The following PRMT3 variants were observed in gnomAD, a reference collection of about 807,000 sequenced individuals.
PRMT3 encodes the protein protein arginine methyltransferase 3, also known as protein arginine N-methyltransferase 3.
In PRMT3, 62 loss-of-function variants were observed where a neutral mutation model predicts 71.9. The ratio of observed to expected loss-of-function variants is 0.86; its 90% confidence interval spans 0.70 to 1.07. The LOEUF is 1.07. Among genes scored for constraint, PRMT3 ranks in the 50% least tolerant of loss-of-function variants. The pLI is 0.00. For missense variants in PRMT3, 663 were observed against 643.0 expected (o/e 1.03, Z -0.34); for synonymous variants, 213 against 220.4 (o/e 0.97, Z 0.30).
chr11:20,390,552 A>T (rs1032421772), intron 3 of PRMT3, among the ~76,000 whole-genome samples: 1 of 152,254 alleles, frequency 6.6e-6, no homozygotes, highest in Non-Finnish European at 1.5e-5. Flanking sequence ...AGACTGGAAA[A>T]AGAGTGATGA....
intron 10 of PRMT3, among the ~76,000 whole-genome samples, chr11:20,440,032 C>G (rs760492376): frequency 6.6e-6 from 1 of 152,124 alleles, no homozygotes; most frequent in Non-Finnish European, 1.5e-5. Context: ...ACTGAATGTC[C>G]TTACTGGGGA....
intron 9 of PRMT3, among the ~76,000 whole-genome samples, chr11:20,411,333 A>C (rs1341947421): frequency 2.0e-5 from 3 of 152,070 alleles, no homozygotes; most frequent in Non-Finnish European, 2.9e-5. Context: ...TGTCAGCCAG[A>C]TTTTTGAATC....
At chr11:20,439,639 G>A (rs981817020) in intron 10 of PRMT3, among the ~76,000 whole-genome samples, 2 of 152,282 alleles carry the variant, frequency 1.3e-5, no homozygotes, top group South Asian at 4.1e-4. Context: ...TAGAACTGAT[G>A]AAATACTGTA....
rs905365330 is a variant in PRMT3 at position 20,476,682 on chromosome 11, G to A, written c.1347+12136G>A. ...ATTTCTTTTTTACATTCTTTCTGCT[G>A]TTCATTTTTAGCCAATAAATATTTT... On this transcript the variant is annotated intron_variant, in intron 13 of 15. Coordinates refer to ENST00000331079, the MANE Select transcript of PRMT3 (RefSeq NM_005788.4). 4.6e-5 allele frequency among the ~76,000 whole-genome samples: 7 copies of A among 151,914 alleles called. No homozygotes were observed. The East Asian group carries it at 1.4e-3, about 29-fold the overall frequency.
intron 10 of PRMT3, among the ~76,000 whole-genome samples, chr11:20,441,263 TTTTATTTATTTATTTATTTATTTATTTA>T (rs3044625): frequency 2.2e-5 from 3 of 138,126 alleles, no homozygotes; most frequent in East Asian, 2.1e-4. Context: ...GTTACTAACT[TTTTATTTATTTATTTATTTATTTATTTA>T]TTTATTTATT....
rs368648367 is a variant in PRMT3 at position 20,468,360 on chromosome 11, TTTTGTTTG to T, written c.1347+3830_1347+3837del. 9.7e-3 allele frequency among the ~76,000 whole-genome samples: 1,471 copies of T among 152,154 alleles called. 22 individuals carry two copies. The highest frequency in any genetic ancestry group is 0.051 in the Middle Eastern group (15 of 294). ...TGATATATGTATAACGTGGTTTTTG[TTTTGTTTG>T]TTTGTTTGTTTGTTTTGAGACAGGG... On this transcript the variant is annotated intron_variant, in intron 13 of 15. Coordinates refer to ENST00000331079, the MANE Select transcript of PRMT3 (RefSeq NM_005788.4).
intron 7 of PRMT3, among the ~76,000 whole-genome samples, chr11:20,402,215 G>T (rs1848964288): frequency 6.6e-6 from 1 of 151,960 alleles, no homozygotes; most frequent in South Asian, 2.1e-4. Flanking sequence ...CGCCTCCCGG[G>T]TTCAAGAGAT....
intron 13 of PRMT3, among the ~76,000 whole-genome samples, chr11:20,475,299 G>T (rs558621561): frequency 6.6e-6 from 1 of 152,124 alleles, no homozygotes; most frequent in Non-Finnish European, 1.5e-5. Context: ...CTACAGTGCC[G>T]CTCCCAGTTG....
chr11:20,391,264 A>G (rs1478773495), intron 3 of PRMT3, among the ~76,000 whole-genome samples: 1 of 151,490 alleles, frequency 6.6e-6, no homozygotes, highest in Admixed American at 6.6e-5. Flanking sequence ...TTTTTTTTTG[A>G]GACGGAGTCT....
At chr11:20,503,364 TAAAC>T (rs987780752) in intron 15 of PRMT3, among the ~76,000 whole-genome samples, 2 of 152,174 alleles carry the variant, frequency 1.3e-5, no homozygotes, top group African/African-American at 4.8e-5. Context: ...ACCACATTTT[TAAAC>T]AAATAATTTA....
rs114296259 is a variant in PRMT3, at chr11:20,482,120, G to A, written c.1348-11799G>A. On this transcript the variant is annotated intron_variant, in intron 13 of 15. Transcript: ENST00000331079. ...AGTTGAGTAAAATAACCTGTCCATA[G>A]AGTTAATAGAGATTCGTGTGCTTGA... 7.9e-3 allele frequency among the ~76,000 whole-genome samples: 1,196 copies of A among 151,536 alleles called. 22 individuals carry two copies. The highest frequency in any genetic ancestry group is 0.028 in the African/African-American group (1,161 of 40,972).
Position 20,426,821 on chromosome 11 carries a change from C to G in PRMT3, c.949C>G (p.His317Asp). 6.5e-7 allele frequency: 1 copy of G among 1,527,992 alleles called. No homozygotes were observed. The highest frequency in any genetic ancestry group is 1.3e-5 in the South Asian group (1 of 74,806). 94.7% of individuals were successfully genotyped at this position (1,527,992 alleles called of 1,614,324 possible). A position where few individuals can be genotyped will look rare whatever the true frequency, so the allele number is the denominator to read the frequency against. The change falls in exon 10 of 16, where the codon CAT (histidine) becomes GAT (aspartate). Residue 317 changes from histidine (H) to aspartate (D), a missense_variant. Coordinates refer to ENST00000331079, the MANE Select transcript of PRMT3 (RefSeq NM_005788.4). ...TLIKGKIEEVHLPVEKVDVII... is the reference protein window; with the variant it reads ...TLIKGKIEEVDLPVEKVDVII... The stretch of plus-strand genomic sequence containing the variant: ...AATTAAAGGAAAGATTGAAGAAGTT[C>G]ATCTTCCTGTAGAAAAAGTAGATGT...
chr11:20,401,470 A>G (rs530634900), intron 7 of PRMT3, among the ~76,000 whole-genome samples: 4 of 152,284 alleles, frequency 2.6e-5, no homozygotes, highest in East Asian at 3.9e-4. Flanking sequence ...CATGGAATTA[A>G]TTATGGACAA....
At chr11:20,471,594 ATGCTGTTTTGGT>A (rs2133416809) in intron 13 of PRMT3, among the ~76,000 whole-genome samples, 2 of 152,244 alleles carry the variant, frequency 1.3e-5, no homozygotes, top group African/African-American at 4.8e-5. Context: ...TACCAGTACC[ATGCTGTTTTGGT>A]TACTGTAGCC....
chr11:20,395,774 CT>C, intron 5 of PRMT3, 28 bp from the exon 6 acceptor site: 1 of 1,595,132 alleles, frequency 6.3e-7, no homozygotes, highest in South Asian at 1.1e-5. Context: ...ATAAGATGGC[CT>C]GATAATAATG....
chr11:20,390,099 T>C (rs1330990354), intron 3 of PRMT3, among the ~76,000 whole-genome samples: 5 of 150,864 alleles, frequency 3.3e-5, no homozygotes, highest in African/African-American at 4.9e-5. Flanking sequence ...GGCAGTGAGC[T>C]GAGATGGTAT....
chr11:20,437,311 T>G (rs1390789062), intron 10 of PRMT3, among the ~76,000 whole-genome samples: 2 of 152,224 alleles, frequency 1.3e-5, no homozygotes. Context: ...TTTGCTTTTC[T>G]AGTTGTTTGA....
In PRMT3 at chr11:20,387,864, C is replaced by T. The variant is rs755101931; in HGVS notation, c.28+90C>T. ...TGGAAGACCCTCCGGGACACGGGCC[C>T]GGGCAGGGTGGGGGGCTCGCAGGGA... On this transcript the variant is annotated intron_variant, in intron 1 of 15. Coordinates refer to ENST00000331079, the MANE Select transcript of PRMT3 (RefSeq NM_005788.4). The surrounding 1 kb of genome is among the most constrained non-coding windows in gnomAD (Gnocchi z 4.3). 3 of 1,535,024 alleles carry T rather than the reference C, an allele frequency of 2.0e-6. No individual in the cohort carries two copies. Among genetic ancestry groups the T allele is most frequent in the East Asian group, 2.4e-5 (1 of 40,850 alleles).
chr11:20,437,158 T>C (rs993969626), intron 10 of PRMT3, among the ~76,000 whole-genome samples: 1 of 152,164 alleles, frequency 6.6e-6, no homozygotes, highest in African/African-American at 2.4e-5. Context: ...TTTTCTCTTT[T>C]TTTTTCTTGG....
Sources: allele counts gnomAD v4.1 joint callset (sites outside exome capture counted in the v4.1 genomes callset), GRCh38; gene constraint gnomAD v4.1.1; non-coding constraint Gnocchi (gnomAD v3.1); transcripts MANE v1.5; gene names NCBI Gene and HGNC (gene_info 2026-07-23, HGNC 2026-07-21).